Variants in ZNF853 observed in about 807,000 individuals in gnomAD.
The protein encoded by ZNF853 is zinc finger protein 853.
A neutral mutation model predicts 94.7 loss-of-function variants in ZNF853; 57 were observed. The observed-to-expected ratio is 0.60, with a 90% CI of 0.49 to 0.75. The LOEUF is 0.75. Ranked by LOEUF, ZNF853 falls within the 30% of genes least tolerant of loss-of-function variation. The pLI is 0.00. For missense variants in ZNF853, 785 were observed against 868.9 expected, an observed-to-expected ratio of 0.90 and a Z score of 1.21; for synonymous variants, 448 against 406.3, an observed-to-expected ratio of 1.10 and a Z score of -1.23.
intron 2 of ZNF853, 84 bp downstream of exon 2, chr7:6,617,391 C>A: frequency 9.2e-7 from 1 of 1,091,228 alleles, no homozygotes; most frequent in Non-Finnish European, 1.2e-6. Context: ...GGGCAGCCTG[C>A]ACAGACTCAC....
At chr7:6,617,435 G>A in intron 2 of ZNF853, 128 bp downstream of exon 2, 1 of 929,236 alleles carries the variant, frequency 1.1e-6, no homozygotes, top group Non-Finnish European at 1.5e-6. Flanking sequence ...AGTAACACCA[G>A]CAGCTCTCCC....
rs986265815 is a variant in ZNF853, at chr7:6,622,536, C to T, written c.1545C>T (p.Cys515=). The T allele has an allele frequency of 1.9e-6, 3 of 1,550,462 alleles. No homozygotes were observed. Among genetic ancestry groups the T allele is most frequent in the Admixed American group, 2.0e-5 (1 of 51,026 alleles). The change falls in exon 3 of 3, where the codon TGC becomes TGT. Residue 515 remains cysteine (C), a synonymous_variant. Coordinates refer to ENST00000457543, the MANE Select transcript of ZNF853 (RefSeq NM_017560.3). ...ATHTGERPHR[C]GECGKGFSQH... is the part of the protein sequence containing the mutation. ...ACACGGGTGAGCGGCCACACCGCTGCGGCGAGTGCGGCAAGGGCTTCTCGC... is the reference window on the plus strand; with the variant it reads ...ACACGGGTGAGCGGCCACACCGCTGTGGCGAGTGCGGCAAGGGCTTCTCGC...
In ZNF853 at chr7:6,622,881, G is replaced by C. The variant is rs1458686973; in HGVS notation, c.1890G>C (p.Leu630=). 1.5e-6 allele frequency: 2 copies of C among 1,294,544 alleles called. No individual in the cohort carries two copies. Among genetic ancestry groups the C allele is most frequent in the African/African-American group, 1.6e-5 (1 of 63,578 alleles). The allele number at this position is 1,294,544 out of a possible 1,614,324, so 80.2% of individuals were successfully genotyped here. Residue 630 remains leucine, a synonymous_variant, in exon 3 of 3, where the codon CTG becomes CTC. Transcript: ENST00000457543. ...HGAGRSRGLG[L]LRASRPAALG... is the part of the protein sequence containing the mutation. ...CGGGCCGCTCCAGGGGCCTCGGCCT[G>C]CTGCGCGCCTCGCGGCCGGCGGCCC...
In ZNF853 at chr7:6,616,113, C is replaced by G; in HGVS notation, c.-62C>G. On this transcript the variant is annotated 5_prime_UTR_variant, in exon 1 of 3. Coordinates refer to ENST00000457543, the MANE Select transcript of ZNF853 (RefSeq NM_017560.3). Reference sequence around the variant, plus strand: ...GAAGGAGCCGGCTGCACGCCGTGGCCTTCACCTCGCAGCCTCTGCTGACCA... The same window carrying G: ...GAAGGAGCCGGCTGCACGCCGTGGCGTTCACCTCGCAGCCTCTGCTGACCA... The G allele has an allele frequency of 6.6e-7, 1 of 1,519,276 alleles. No individual in the cohort carries two copies. The allele number at this position is 1,519,276 out of a possible 1,614,324, so 94.1% of individuals were successfully genotyped here.
Position 6,622,223 on chromosome 7 carries a change from T to C in ZNF853, c.1232T>C (p.Leu411Pro). 1 of 1,533,422 alleles carries C rather than the reference T, an allele frequency of 6.5e-7. No individual in the cohort carries two copies. The highest frequency in any genetic ancestry group is 8.7e-7 in the Non-Finnish European group (1 of 1,144,118). The allele number at this position is 1,533,422 out of a possible 1,614,324, so 95.0% of individuals were successfully genotyped here. ...QLELTPVQPE[L>P]QLELVPAAGG... ...GAGCTGACCCCCGTGCAGCCGGAGC[T>C]GCAGCTGGAACTGGTGCCAGCCGCA... Residue 411 changes from leucine (L) to proline (P), a missense_variant, in exon 3 of 3, where the codon CTG (leucine) becomes CCG (proline). Transcript: ENST00000457543.
chr7:6,621,970 G>A lies in ZNF853; in HGVS notation c.979G>A (p.Val327Met), dbSNP rs1420845165. The change falls in exon 3 of 3, where the codon GTG becomes ATG. Residue 327 changes from valine (V) to methionine (M), a missense_variant. Physicochemically the swap from Val to Met is conservative, Grantham distance 21. Coordinates refer to ENST00000457543, the MANE Select transcript of ZNF853 (RefSeq NM_017560.3). The part of the protein sequence containing the change: ...EEEVELELMP[V>M]DLGSEQELEQ... ...AGAGGTGGAGCTGGAGCTCATGCCGGTGGACCTGGGGTCAGAGCAGGAGCT... is the reference window on the plus strand; with the variant it reads ...AGAGGTGGAGCTGGAGCTCATGCCGATGGACCTGGGGTCAGAGCAGGAGCT... 1 of 1,550,876 alleles carries A rather than the reference G, an allele frequency of 6.4e-7. No homozygotes were observed. The highest frequency in any genetic ancestry group is 8.7e-7 in the Non-Finnish European group (1 of 1,147,010).
In ZNF853 at chr7:6,623,043, G is replaced by A. The variant is rs57649911; in HGVS notation, c.*72G>A. On this transcript the variant is annotated 3_prime_UTR_variant, in exon 3 of 3. Transcript: ENST00000457543. ...CTCCACCTGAAAAGCTCCTTGACCC[G>A]GGTTCATGGGCGCTGGAGGCGTCCT... 2,651 of 1,216,682 alleles carry A rather than the reference G, an allele frequency of 2.2e-3. 57 individuals are homozygous for A. The African/African-American group carries it at 0.038, about 17-fold the overall frequency. The allele number at this position is 1,216,682 out of a possible 1,614,324, so 75.4% of individuals were successfully genotyped here.
In ZNF853 at chr7:6,621,225, C is replaced by A. The variant is rs1480064001; in HGVS notation, c.234C>A (p.Ile78=). 7.1e-6 allele frequency: 11 copies of A among 1,543,304 alleles called. No individual in the cohort carries two copies. In the Admixed American group the frequency reaches 9.9e-5, roughly 14 times the overall value. The change falls in exon 3 of 3, where the codon ATC becomes ATA. Residue 78 remains isoleucine, a synonymous_variant. Coordinates refer to ENST00000457543, the MANE Select transcript of ZNF853 (RefSeq NM_017560.3). ...CGGCCCCAGTGGGGGCCAGTGAAATCGCTGAGGAAACCCGGCCGGGACAAC... is the reference window on the plus strand; with the variant it reads ...CGGCCCCAGTGGGGGCCAGTGAAATAGCTGAGGAAACCCGGCCGGGACAAC... ...AVSAPVGASE[I]AEETRPGQRE...
Position 6,616,051 on chromosome 7 carries a change from TGCGCCTCCTGGCTCTTTCTGGATGGAG to T in ZNF853, c.-115_-89del. The T allele has an allele frequency of 1.1e-6, 1 of 928,120 alleles. No homozygotes were observed. 57.5% of individuals were successfully genotyped at this position (928,120 alleles called of 1,614,324 possible). ...GCCCAGAAAGCCCCCGGGGTGGCCC[TGCGCCTCCTGGCTCTTTCTGGATGGAG>T]GCGCCTCCGGAAGGAGCCGGCTGCA... On this transcript the variant is annotated 5_prime_UTR_variant, in exon 1 of 3. An upstream start codon of the reference 5' UTR is lost. Transcript: ENST00000457543.
In ZNF853 at chr7:6,621,140, A is replaced by G. The variant is rs1418165837; in HGVS notation, c.149A>G (p.Glu50Gly). The change falls in exon 3 of 3, where the codon GAG becomes GGG. Residue 50 changes from glutamate (E) to glycine (G), a missense_variant. Physicochemically the swap from Glu to Gly is moderately conservative, Grantham distance 98. Coordinates refer to ENST00000457543, the MANE Select transcript of ZNF853 (RefSeq NM_017560.3). Reference protein sequence around the residue: ...DTLSGGSGGSESQEEEEPQER... With the variant: ...DTLSGGSGGSGSQEEEEPQER... ...TCCACAGGTGGCAGCGGTGGGAGCGAGAGTCAGGAGGAGGAAGAGCCTCAG... is the reference window on the plus strand; with the variant it reads ...TCCACAGGTGGCAGCGGTGGGAGCGGGAGTCAGGAGGAGGAAGAGCCTCAG... 1 of 1,466,106 alleles carries G rather than the reference A, an allele frequency of 6.8e-7. No homozygotes were observed. Among genetic ancestry groups the G allele is most frequent in the Non-Finnish European group, 9.0e-7 (1 of 1,109,062 alleles). 90.8% of individuals were successfully genotyped at this position (1,466,106 alleles called of 1,614,324 possible).
Position 6,623,285 on chromosome 7 carries a change from C to A in ZNF853, c.*314C>A. 2.5e-6 allele frequency: 1 copy of A among 398,602 alleles called. No individual in the cohort carries two copies. Among genetic ancestry groups the A allele is most frequent in the Non-Finnish European group, 4.4e-6 (1 of 226,126 alleles). The allele number at this position is 398,602 out of a possible 1,614,324, so 24.7% of individuals were successfully genotyped here. A position where few individuals can be genotyped will look rare whatever the true frequency, so the allele number is the denominator to read the frequency against. ...CCGGGAAAACTGGACTTACTACGAA[C>A]GAGGAAAAACCCCCAGTGGCGAGAC... On this transcript the variant is annotated 3_prime_UTR_variant, in exon 3 of 3. Coordinates refer to ENST00000457543, the MANE Select transcript of ZNF853 (RefSeq NM_017560.3).
Position 6,623,405 on chromosome 7 carries a change from G to A in ZNF853, c.*434G>A. 1 of 398,606 alleles carries A rather than the reference G, an allele frequency of 2.5e-6. No individual in the cohort carries two copies. The highest frequency in any genetic ancestry group is 4.4e-6 in the Non-Finnish European group (1 of 226,058). The allele number at this position is 398,606 out of a possible 1,614,324, so 24.7% of individuals were successfully genotyped here. ...ATCTTCGATCCTGGTGAAAATGATC[G>A]CAAGGAGAAATTCGGGGAGGAAGCA... is the stretch of plus-strand genomic sequence containing the variant. On this transcript the variant is annotated 3_prime_UTR_variant, in exon 3 of 3. Transcript: ENST00000457543.
chr7:6,617,921 A>G, intron 2 of ZNF853, among the ~76,000 whole-genome samples: 1 of 151,606 alleles, frequency 6.6e-6, no homozygotes, highest in African/African-American at 2.4e-5. Context: ...AAGGGTGCTG[A>G]GTGAGGGCCT....
In ZNF853 at chr7:6,621,949, G is replaced by GTGGAGC. The variant is rs776819463; in HGVS notation, c.966_971dup (p.Glu323_Leu324dup). ...CCTGGAGCCCGAGGAGGAGGAAGAG[G>GTGGAGC]TGGAGCTGGAGCTCATGCCGGTGGA... On this transcript the variant is annotated inframe_insertion, in exon 3 of 3. Coordinates refer to ENST00000457543, the MANE Select transcript of ZNF853 (RefSeq NM_017560.3). The GTGGAGC allele has an allele frequency of 5.0e-5, 78 of 1,550,998 alleles. No individual in the cohort carries two copies. The highest frequency in any genetic ancestry group is 6.6e-5 in the Non-Finnish European group (76 of 1,147,024).
chr7:6,617,178 C>G lies in ZNF853; in HGVS notation c.13-12C>G. ...CCAGCCTGGCTAAACTGCTTCCTTC[C>G]TTTCAGCACAGCCGACTCCCGGGAA... is the stretch of plus-strand genomic sequence containing the variant. On this transcript the variant is annotated splice_polypyrimidine_tract_variant and intron_variant, in intron 1 of 2. Coordinates refer to ENST00000457543, the MANE Select transcript of ZNF853 (RefSeq NM_017560.3). 2 of 1,539,062 alleles carry G rather than the reference C, an allele frequency of 1.3e-6. No homozygotes were observed. The highest frequency in any genetic ancestry group is 4.9e-5 in the East Asian group (2 of 40,478).
chr7:6,617,444 C>T lies in ZNF853; in HGVS notation c.130+137C>T. 17 of 936,382 alleles carry T rather than the reference C, an allele frequency of 1.8e-5. No homozygotes were observed. In the African/African-American group the frequency reaches 2.3e-4, roughly 12 times the overall value. The allele number at this position is 936,382 out of a possible 1,614,324, so 58.0% of individuals were successfully genotyped here. A position where few individuals can be genotyped will look rare whatever the true frequency, so the allele number is the denominator to read the frequency against. On this transcript the variant is annotated intron_variant, in intron 2 of 2. Transcript: ENST00000457543. The stretch of plus-strand genomic sequence containing the variant: ...GCATTGAGTAACACCAGCAGCTCTC[C>T]CTTGAGATTTTCCAAGGTGGCTGTG...
At chr7:6,617,968 G>C in intron 2 of ZNF853, among the ~76,000 whole-genome samples, 1 of 152,038 alleles carries the variant, frequency 6.6e-6, no homozygotes, top group Non-Finnish European at 1.5e-5. Context: ...AGGACCAAGG[G>C]AATTGGAGGG....
chr7:6,621,640 C>G lies in ZNF853; in HGVS notation c.649C>G (p.Leu217Val), dbSNP rs1170817732. The change falls in exon 3 of 3, where the codon CTA (leucine) becomes GTA (valine). Residue 217 changes from leucine to valine, a missense_variant. Coordinates refer to ENST00000457543, the MANE Select transcript of ZNF853 (RefSeq NM_017560.3). ...QQEQLQQQQL[L>V]QQQEQLQQQQ... ...GGAACAGTTACAGCAGCAGCAGCTGCTACAACAGCAGGAACAGTTACAGCA... is the reference window on the plus strand; with the variant it reads ...GGAACAGTTACAGCAGCAGCAGCTGGTACAACAGCAGGAACAGTTACAGCA... The G allele has an allele frequency of 1.3e-6, 2 of 1,549,976 alleles. No individual in the cohort carries two copies. Among genetic ancestry groups the G allele is most frequent in the Non-Finnish European group, 1.7e-6 (2 of 1,145,474 alleles).
In ZNF853 at chr7:6,622,266, G is replaced by A; in HGVS notation, c.1275G>A (p.Ala425=). The part of the protein sequence containing the change: ...LVPAAGGGGA[A]VPGAPAAVVV... ...CAGCCGCAGGGGGCGGCGGAGCGGC[G>A]GTCCCGGGGGCTCCGGCCGCGGTCG... The change falls in exon 3 of 3, where the codon GCG becomes GCA. Residue 425 remains alanine (A), a synonymous_variant. Transcript: ENST00000457543. 1.3e-6 allele frequency: 2 copies of A among 1,505,404 alleles called. No individual in the cohort carries two copies. The highest frequency in any genetic ancestry group is 2.5e-5 in the South Asian group (2 of 79,034). The allele number at this position is 1,505,404 out of a possible 1,614,324, so 93.3% of individuals were successfully genotyped here. A position where few individuals can be genotyped will look rare whatever the true frequency, so the allele number is the denominator to read the frequency against.
Sources: gnomAD v4.1 joint callset for allele counts (sites outside exome capture counted in the v4.1 genomes callset) on GRCh38, gnomAD v4.1.1 for gene constraint, MANE v1.5 for transcripts, NCBI Gene and HGNC (gene_info 2026-07-23, HGNC 2026-07-21) for gene names.